GRM8: variants seen among roughly 807,000 people sequenced by gnomAD.
GRM8 encodes glutamate metabotropic receptor 8.
Under a neutral mutation model 87.2 loss-of-function variants are expected in GRM8, and 47 were observed. That is an observed-to-expected ratio of 0.54 (90% CI 0.43 to 0.69). The LOEUF is 0.69. GRM8 is among the 30% of genes least tolerant of loss of function. The pLI is 0.00. For missense variants in GRM8, 1,019 were observed against 1,139.2 expected, an observed-to-expected ratio of 0.89 and a Z score of 1.52; for synonymous variants, 396 against 404.5, an observed-to-expected ratio of 0.98 and a Z score of 0.25.
At chr7:126,701,421 T>C (rs1469606237) in intron 7 of GRM8, among the ~76,000 whole-genome samples, 3 of 152,196 alleles carry the variant, frequency 2.0e-5, no homozygotes, top group African/African-American at 7.2e-5. Context: ...CAGACGCTTC[T>C]TATCTCATGG....
chr7:127,203,387 A>G (rs1197898547), intron 2 of GRM8, among the ~76,000 whole-genome samples: 1 of 152,158 alleles, frequency 6.6e-6, no homozygotes, highest in East Asian at 1.9e-4. Context: ...ATACTCTTGT[A>G]ACAAGCTTGC....
At chr7:126,984,245 T>C (rs900431397) in intron 3 of GRM8, among the ~76,000 whole-genome samples, 2 of 152,200 alleles carry the variant, frequency 1.3e-5, no homozygotes, top group African/African-American at 2.4e-5. Context: ...TCAGGATGTG[T>C]ATGGGTTCAA....
chr7:126,828,581 C>T lies in GRM8; in HGVS notation c.1157-58516G>A, dbSNP rs1237369298. Among the ~76,000 whole-genome samples the T allele has an allele frequency of 2.0e-5, 3 of 152,226 alleles. No homozygotes were observed. In the East Asian group the frequency reaches 5.8e-4, roughly 29 times the overall value. ...ATATCCCCTTTATCATTTTTTATTG[C>T]ATCTATTTGATTCTTCTTTTTTTCT... is the stretch of plus-strand genomic sequence containing the variant. On this transcript the variant is annotated intron_variant, in intron 6 of 10. Transcript: ENST00000339582.
chr7:126,809,424 T>G (rs1189877172), intron 6 of GRM8, among the ~76,000 whole-genome samples: 3 of 152,144 alleles, frequency 2.0e-5, no homozygotes, highest in Non-Finnish European at 4.4e-5. Flanking sequence ...GGGAAATCTA[T>G]TAAACTTCAG....
chr7:127,075,190 G>A (rs11563733), intron 3 of GRM8, among the ~76,000 whole-genome samples: 1 of 152,146 alleles, frequency 6.6e-6, no homozygotes, highest in African/African-American at 2.4e-5. Context: ...AGATGGGATG[G>A]TGGCAGCCAG....
At chr7:126,817,308 C>T (rs1793886828) in intron 6 of GRM8, among the ~76,000 whole-genome samples, 1 of 152,158 alleles carries the variant, frequency 6.6e-6, no homozygotes, top group African/African-American at 2.4e-5. Context: ...TAATTTCTTG[C>T]TATTTTAATA....
chr7:127,245,229 GAAAACCAGTCACATGATAGT>G (rs1798523272), intron 1 of GRM8, among the ~76,000 whole-genome samples: 1 of 152,198 alleles, frequency 6.6e-6, no homozygotes, highest in African/African-American at 2.4e-5. Flanking sequence ...GTTTCACAAG[GAAAACCAGTCACATGATAGT>G]AAAACCTCAT....
intron 3 of GRM8, among the ~76,000 whole-genome samples, chr7:126,960,831 C>T (rs545159436): frequency 3.9e-4 from 60 of 152,286 alleles, no homozygotes; most frequent in Non-Finnish European, 8.1e-4. Flanking sequence ...TCTTTTCTTG[C>T]TATTCCCACT....
intron 9 of GRM8, among the ~76,000 whole-genome samples, chr7:126,506,550 C>G (rs570826630): frequency 1.3e-5 from 2 of 151,930 alleles, no homozygotes; most frequent in Non-Finnish European, 2.9e-5. Context: ...GAGGCCCAGG[C>G]GGGCAGATCA....
chr7:127,226,829 T>C (rs1797358535), intron 2 of GRM8, among the ~76,000 whole-genome samples: 1 of 152,234 alleles, frequency 6.6e-6, no homozygotes, highest in Non-Finnish European at 1.5e-5. Flanking sequence ...GCTCACATCA[T>C]TTCATGACTG....
intron 6 of GRM8, among the ~76,000 whole-genome samples, chr7:126,774,270 C>T (rs1397397023): frequency 6.6e-6 from 1 of 152,160 alleles, no homozygotes; most frequent in East Asian, 1.9e-4. Context: ...GAATTTGCTC[C>T]TCACTTCCTA....
intron 7 of GRM8, among the ~76,000 whole-genome samples, chr7:126,659,453 C>T (rs192794891): frequency 9.2e-5 from 14 of 152,064 alleles, no homozygotes; most frequent in African/African-American, 2.7e-4. Flanking sequence ...AAATATGATA[C>T]GTCCATTTAG....
At chr7:126,550,767 A>G (rs907653768) in intron 8 of GRM8, among the ~76,000 whole-genome samples, 35 of 151,900 alleles carry the variant, frequency 2.3e-4, no homozygotes, top group Admixed American at 2.2e-3. Flanking sequence ...GAGGGTAGGC[A>G]CAAATGATAC....
At chr7:127,001,236 C>G (rs943537359) in intron 3 of GRM8, among the ~76,000 whole-genome samples, 1 of 151,606 alleles carries the variant, frequency 6.6e-6, no homozygotes, top group African/African-American at 2.4e-5. Flanking sequence ...GACCTTTCCT[C>G]AGATCATATA....
At chr7:126,476,223 G>A (rs1206790611) in intron 9 of GRM8, among the ~76,000 whole-genome samples, 1 of 152,038 alleles carries the variant, frequency 6.6e-6, no homozygotes, top group Non-Finnish European at 1.5e-5. Context: ...TTGTTTTGAG[G>A]CTGGGCAACA....
intron 3 of GRM8, among the ~76,000 whole-genome samples, chr7:127,086,187 A>G (rs1015210860): frequency 6.6e-6 from 1 of 152,094 alleles, no homozygotes; most frequent in African/African-American, 2.4e-5. Context: ...TGCAACCTCC[A>G]CCTTCTGGGT....
intron 6 of GRM8, among the ~76,000 whole-genome samples, chr7:126,836,075 T>C (rs1795804574): frequency 6.6e-6 from 1 of 152,186 alleles, no homozygotes; most frequent in Admixed American, 6.5e-5. Context: ...CAACCACTTG[T>C]TTAACATAAG....
intron 7 of GRM8, among the ~76,000 whole-genome samples, chr7:126,742,832 A>G (rs909994877): frequency 1.3e-5 from 2 of 151,952 alleles, no homozygotes; most frequent in Admixed American, 6.6e-5. Context: ...TTAATTACTA[A>G]TTCTGGTCAC....
intron 3 of GRM8, among the ~76,000 whole-genome samples, chr7:127,022,893 A>T (rs1010591278): frequency 2.0e-5 from 3 of 152,082 alleles, no homozygotes; most frequent in Non-Finnish European, 2.9e-5. Context: ...CCCATCTATA[A>T]AATGAGAGCA....
Sources: allele counts gnomAD v4.1 joint callset (sites outside exome capture counted in the v4.1 genomes callset), GRCh38; gene constraint gnomAD v4.1.1; transcripts MANE v1.5; gene names NCBI Gene and HGNC (gene_info 2026-07-23, HGNC 2026-07-21).